The following KRCC1 variants were observed in gnomAD, a reference collection of about 807,000 sequenced individuals.
KRCC1 encodes the protein lysine rich coiled-coil 1, also known as lysine-rich coiled-coil protein 1.
In KRCC1, 3 loss-of-function variants were observed where a neutral mutation model predicts 7.4. The ratio of observed to expected loss-of-function variants is 0.40; its 90% CI spans 0.18 to 1.04. The LOEUF is 1.04. Among genes scored for constraint, KRCC1 ranks in the 50% least tolerant of loss-of-function variants. The pLI is 0.33. For synonymous variants in KRCC1, 102 were observed against 101.6 expected, an observed-to-expected ratio of 1.00 and a Z score of -0.02; for missense variants, 277 against 300.9, an observed-to-expected ratio of 0.92 and a Z score of 0.59.
chr2:88,037,172 G>C (rs1375075329), intron 1 of KRCC1, 121 bp from the exon 2 acceptor site: 4 of 152,008 alleles, frequency 2.6e-5, no homozygotes, highest in Non-Finnish European at 5.9e-5. Flanking sequence ...TGCTTGCAAG[G>C]CTAGAGTAAT....
chr2:88,034,494 T>A (rs1342448934), intron 2 of KRCC1, among the ~76,000 whole-genome samples: 1 of 152,164 alleles, frequency 6.6e-6, no homozygotes, highest in African/African-American at 2.4e-5. Context: ...TATAGTTTTA[T>A]TTTTAACTGA....
At position 88,027,261 on chromosome 2, in the gene KRCC1, A is replaced by G. The variant is rs1672884756; in HGVS notation, c.*523T>C. 6.6e-6 allele frequency: 1 copy of G among 152,354 alleles called. No individual in the cohort carries two copies. The highest frequency in any genetic ancestry group is 2.4e-5 in the African/African-American group (1 of 41,458). 9.4% of individuals were successfully genotyped at this position (152,354 alleles called of 1,614,324 possible). ...TCAGAATATAAACTGATTTTGTATC[A>G]AGACTCTTTGAAACTTTAGAAACTT... is the stretch of plus-strand genomic sequence containing the variant. On this transcript the variant is annotated 3_prime_UTR_variant, in exon 4 of 4. Coordinates refer to ENST00000347055, the MANE Select transcript of KRCC1 (RefSeq NM_016618.3).
At chr2:88,049,416 G>C (rs1673418527) in intron 1 of KRCC1, among the ~76,000 whole-genome samples, 1 of 152,170 alleles carries the variant, frequency 6.6e-6, no homozygotes, top group Non-Finnish European at 1.5e-5. Context: ...GGAAGCTGAA[G>C]TAGGTGGATC....
At chr2:88,050,266 T>C (rs1385049854) in intron 1 of KRCC1, among the ~76,000 whole-genome samples, 1 of 152,236 alleles carries the variant, frequency 6.6e-6, no homozygotes, top group Admixed American at 6.5e-5. Context: ...AGTTAATTAC[T>C]CAATAAGTAG....
At chr2:88,043,518 T>C (rs1234584352) in intron 1 of KRCC1, among the ~76,000 whole-genome samples, 1 of 152,226 alleles carries the variant, frequency 6.6e-6, no homozygotes, top group African/African-American at 2.4e-5. Context: ...AAACTAGGCA[T>C]GGCATGACTT....
At chr2:88,054,720 A>G (rs1281520267) in intron 1 of KRCC1, among the ~76,000 whole-genome samples, 1 of 152,196 alleles carries the variant, frequency 6.6e-6, no homozygotes, top group Non-Finnish European at 1.5e-5. Context: ...AATGGAGCTC[A>G]GTCTTTCCCC....
intron 2 of KRCC1, among the ~76,000 whole-genome samples, chr2:88,036,465 G>A (rs2104610500): frequency 6.9e-6 from 1 of 145,490 alleles, no homozygotes; most frequent in Admixed American, 6.8e-5. Flanking sequence ...ATAAACTAAG[G>A]AAGTACAATC....
intron 1 of KRCC1, among the ~76,000 whole-genome samples, chr2:88,048,205 C>T (rs1179938122): frequency 6.6e-6 from 1 of 151,924 alleles, no homozygotes; most frequent in African/African-American, 2.4e-5. Flanking sequence ...GCCTCAGCCT[C>T]CTGAGTAGCT....
intron 3 of KRCC1, among the ~76,000 whole-genome samples, chr2:88,031,456 T>C (rs1336153340): frequency 6.6e-6 from 1 of 151,954 alleles, no homozygotes; most frequent in Non-Finnish European, 1.5e-5. Context: ...ACCCCGACTC[T>C]ACTAAAAATA....
chr2:88,032,975 G>T (rs1254084224), intron 3 of KRCC1, among the ~76,000 whole-genome samples: 1 of 152,030 alleles, frequency 6.6e-6, no homozygotes, highest in Non-Finnish European at 1.5e-5. Context: ...TCTGATAAAA[G>T]AGTACATACG....
intron 1 of KRCC1, among the ~76,000 whole-genome samples, chr2:88,053,132 T>G (rs1673533316): frequency 6.6e-6 from 1 of 151,786 alleles, no homozygotes; most frequent in Non-Finnish European, 1.5e-5. Context: ...GTACGATCAT[T>G]CCTAGATGAG....
chr2:88,048,110 T>C (rs908015018), intron 1 of KRCC1, among the ~76,000 whole-genome samples: 6 of 148,694 alleles, frequency 4.0e-5, no homozygotes, highest in Non-Finnish European at 7.4e-5. Context: ...AGATGGGAGT[T>C]TCACTCTTGT....
intron 1 of KRCC1, among the ~76,000 whole-genome samples, chr2:88,045,975 C>T (rs547437904): frequency 2.4e-4 from 37 of 152,072 alleles, no homozygotes; most frequent in Non-Finnish European, 4.9e-4. Flanking sequence ...CCACCGTGCC[C>T]GGCCTGAATT....
At chr2:88,031,768 A>C (rs988068852) in intron 3 of KRCC1, among the ~76,000 whole-genome samples, 79 of 152,166 alleles carry the variant, frequency 5.2e-4, no homozygotes, top group Non-Finnish European at 1.0e-4. Flanking sequence ...AAAAAGTTAA[A>C]AAAATTTAAA....
At chr2:88,035,576 CAAGG>C (rs1205953472) in intron 2 of KRCC1, among the ~76,000 whole-genome samples, 1 of 151,932 alleles carries the variant, frequency 6.6e-6, no homozygotes, top group African/African-American at 2.4e-5. Flanking sequence ...TTAAATGAGA[CAAGG>C]AATAAACTGT....
rs1009156701 is a variant in KRCC1 at position 88,033,287 on chromosome 2, G to A, written c.-23+847C>T. Among the ~76,000 whole-genome samples, 17 of 152,198 alleles carry A rather than the reference G, an allele frequency of 1.1e-4. 1 individual carries two copies. The highest frequency in any genetic ancestry group is 4.1e-4 in the African/African-American group (17 of 41,448). On this transcript the variant is annotated intron_variant, in intron 3 of 3. Transcript: ENST00000347055. ...GCCTGTAATCCCAGCACTTTGGGAG[G>A]CTGAGGCAGGCAGATCACCTGAGGT...
intron 1 of KRCC1, among the ~76,000 whole-genome samples, chr2:88,049,298 A>G (rs1406113064): frequency 2.6e-5 from 4 of 152,222 alleles, no homozygotes; most frequent in Admixed American, 2.0e-4. Flanking sequence ...GATCCAAGGC[A>G]GATATCCTAC....
At chr2:88,053,796 T>A (rs561931525) in intron 1 of KRCC1, among the ~76,000 whole-genome samples, 7 of 152,330 alleles carry the variant, frequency 4.6e-5, no homozygotes, top group African/African-American at 1.4e-4. Context: ...TATCTCATCA[T>A]GAAAAAGGAT....
chr2:88,036,200 T>A (rs1673087049), intron 2 of KRCC1, among the ~76,000 whole-genome samples: 1 of 152,176 alleles, frequency 6.6e-6, no homozygotes, highest in Admixed American at 6.5e-5. Context: ...CACCACAGAT[T>A]AAAGAGATCC....
Sources: gnomAD v4.1 joint callset for allele counts (sites outside exome capture counted in the v4.1 genomes callset) on GRCh38, gnomAD v4.1.1 for gene constraint, MANE v1.5 for transcripts, NCBI Gene and HGNC (gene_info 2026-07-23, HGNC 2026-07-21) for gene names.